THSD7B: variants seen among roughly 807,000 people sequenced by gnomAD.
THSD7B encodes the protein thrombospondin type-1 domain-containing protein 7B.
In THSD7B, 138 loss-of-function variants were observed where a neutral mutation model predicts 213.6. The observed-to-expected ratio is 0.65, with a 90% CI of 0.56 to 0.74. THSD7B has a LOEUF of 0.74. THSD7B is among the 30% of genes least tolerant of loss of function. The probability of loss-of-function intolerance (pLI) is 0.00; values close to 1 mark genes in which losing one functional copy is unlikely to be tolerated. For missense variants in THSD7B, 1,931 were observed against 1,991.5 expected, an observed-to-expected ratio of 0.97 and a Z score of 0.58; for synonymous variants, 742 against 687.0, an observed-to-expected ratio of 1.08 and a Z score of -1.25.
chr2:137,071,565 G>A (rs1178403329), intron 3 of THSD7B, among the ~76,000 whole-genome samples: 1 of 152,130 alleles, frequency 6.6e-6, no homozygotes, highest in Non-Finnish European at 1.5e-5. Context: ...AGTTTAATTA[G>A]ATCCCATTTG....
At chr2:137,161,801 T>A (rs1395787361) in intron 6 of THSD7B, among the ~76,000 whole-genome samples, 1 of 152,182 alleles carries the variant, frequency 6.6e-6, no homozygotes, top group Non-Finnish European at 1.5e-5. Context: ...TACACATATA[T>A]AGTCAGTTGC....
chr2:136,984,031 T>C (rs150601589), intron 2 of THSD7B, among the ~76,000 whole-genome samples: 3 of 152,170 alleles, frequency 2.0e-5, no homozygotes, highest in African/African-American at 7.2e-5. Flanking sequence ...TGGGGAAATA[T>C]GCCATGAAGG....
chr2:136,891,857 A>G (rs1683865437), intron 2 of THSD7B, among the ~76,000 whole-genome samples: 1 of 152,188 alleles, frequency 6.6e-6, no homozygotes, highest in Middle Eastern at 3.2e-3. Context: ...TTTTGTTCAC[A>G]CATCAGTGGG....
In THSD7B at chr2:137,575,618, A is replaced by G. The variant is rs140762049; in HGVS notation, c.3423+3062A>G. On this transcript the variant is annotated intron_variant, in intron 17 of 27. Coordinates refer to ENST00000409968, the MANE Select transcript of THSD7B (RefSeq NM_001316349.2). ...TAAAACTGTATTGGGAAAACCATAA[A>G]TGGATCAAGCAAAAACAAATACAAT... 2.0e-5 allele frequency among the ~76,000 whole-genome samples: 3 copies of G among 152,024 alleles called. No homozygotes were observed. The East Asian group carries it at 5.8e-4, about 29-fold the overall frequency.
At chr2:136,843,445 T>A (rs1222341062) in intron 1 of THSD7B, among the ~76,000 whole-genome samples, 1 of 152,166 alleles carries the variant, frequency 6.6e-6, no homozygotes, top group Non-Finnish European at 1.5e-5. Context: ...ACCACATGCA[T>A]AGGGAAGCCA....
At chr2:137,029,933 GAGGTATGT>G (rs1686631401) in intron 2 of THSD7B, among the ~76,000 whole-genome samples, 1 of 152,160 alleles carries the variant, frequency 6.6e-6, no homozygotes. Context: ...TAATAGGGAA[GAGGTATGT>G]CTTCATTCAA....
chr2:137,654,153 G>A (rs1683189505), intron 21 of THSD7B, among the ~76,000 whole-genome samples: 1 of 151,828 alleles, frequency 6.6e-6, no homozygotes, highest in Non-Finnish European at 1.5e-5. Flanking sequence ...GCACTATATA[G>A]CATCTTGAGC....
chr2:136,896,184 A>G (rs1442822672), intron 2 of THSD7B, among the ~76,000 whole-genome samples: 1 of 152,228 alleles, frequency 6.6e-6, no homozygotes, highest in Non-Finnish European at 1.5e-5. Context: ...ATAGTATTTC[A>G]CATTGCCATC....
intron 2 of THSD7B, among the ~76,000 whole-genome samples, chr2:136,999,844 C>T (rs936677126): frequency 6.6e-6 from 1 of 152,132 alleles, no homozygotes; most frequent in Non-Finnish European, 1.5e-5. Context: ...CTTCAAGGCT[C>T]AGTCAAGAGA....
chr2:137,148,296 G>A (rs1679746366), intron 5 of THSD7B, among the ~76,000 whole-genome samples: 1 of 152,128 alleles, frequency 6.6e-6, no homozygotes, highest in South Asian at 2.1e-4. Context: ...GAATCTGTGA[G>A]TCAATTAAAC....
intron 2 of THSD7B, among the ~76,000 whole-genome samples, chr2:137,030,877 A>G (rs1686652581): frequency 6.6e-6 from 1 of 152,154 alleles, no homozygotes; most frequent in South Asian, 2.1e-4. Context: ...CCACTATACA[A>G]TTATCCATGT....
At chr2:136,885,724 C>T (rs1683706249) in intron 2 of THSD7B, among the ~76,000 whole-genome samples, 1 of 152,080 alleles carries the variant, frequency 6.6e-6, no homozygotes, top group South Asian at 2.1e-4. Flanking sequence ...CTTATTGAGT[C>T]CTTACTGTGT....
At chr2:137,546,424 T>TTA (rs1190179445) in intron 15 of THSD7B, among the ~76,000 whole-genome samples, 3 of 27,946 alleles carry the variant, frequency 1.1e-4, no homozygotes, top group East Asian at 9.2e-4. Context: ...ATTATATATA[T>TTA]TATATATATA....
intron 5 of THSD7B, among the ~76,000 whole-genome samples, chr2:137,120,231 A>G (rs545898025): frequency 2.2e-4 from 34 of 152,272 alleles, no homozygotes; most frequent in African/African-American, 7.7e-4. Context: ...AACCTCTTCA[A>G]TTATTGAAAT....
intron 2 of THSD7B, among the ~76,000 whole-genome samples, chr2:136,955,471 A>T (rs975416084): frequency 6.6e-6 from 1 of 152,192 alleles, no homozygotes; most frequent in Non-Finnish European, 1.5e-5. Flanking sequence ...ATGCTCTTTA[A>T]AAAAGAAACT....
intron 1 of THSD7B, among the ~76,000 whole-genome samples, chr2:136,826,723 C>A (rs541284421): frequency 2.0e-5 from 3 of 152,144 alleles, no homozygotes; most frequent in African/African-American, 7.2e-5. Context: ...GAATTTCAGA[C>A]GCAGTAAGAA....
intron 15 of THSD7B, among the ~76,000 whole-genome samples, chr2:137,519,831 T>C (rs1680146059): frequency 6.6e-6 from 1 of 152,226 alleles, no homozygotes; most frequent in South Asian, 2.1e-4. Context: ...AATTCATTGA[T>C]AAATACTTAA....
At chr2:137,355,100 A>G (rs1384521583) in intron 12 of THSD7B, among the ~76,000 whole-genome samples, 3 of 152,170 alleles carry the variant, frequency 2.0e-5, no homozygotes, top group Non-Finnish European at 4.4e-5. Flanking sequence ...ACAGTTTAAG[A>G]AAGAAGTAAT....
intron 12 of THSD7B, among the ~76,000 whole-genome samples, chr2:137,382,115 C>G (rs931996570): frequency 6.6e-6 from 1 of 152,018 alleles, no homozygotes; most frequent in African/African-American, 2.4e-5. Flanking sequence ...ACGTGGTGGA[C>G]TTGGCTAATG....
Sources: gnomAD v4.1 joint callset for allele counts (sites outside exome capture counted in the v4.1 genomes callset) on GRCh38, gnomAD v4.1.1 for gene constraint, MANE v1.5 for transcripts, NCBI Gene and HGNC (gene_info 2026-07-23, HGNC 2026-07-21) for gene names.